ATE1: variants seen among roughly 807,000 people sequenced by gnomAD.
ATE1 encodes arginyltransferase 1.
In ATE1, 36 loss-of-function variants were observed where a neutral mutation model predicts 70.5. The ratio of observed to expected loss-of-function variants is 0.51; its 90% CI spans 0.39 to 0.67. The LOEUF (loss-of-function observed/expected upper bound fraction) is 0.67. Ranked by LOEUF, ATE1 falls within the 30% of genes least tolerant of loss-of-function variation. The probability of loss-of-function intolerance (pLI) is 0.00; values close to 1 mark genes in which losing one functional copy is unlikely to be tolerated. For missense variants in ATE1, 593 were observed against 629.5 expected, an observed-to-expected ratio of 0.94 and a Z score of 0.62; for synonymous variants, 232 against 219.3, an observed-to-expected ratio of 1.06 and a Z score of -0.51.
At chr10:121,850,003 T>C (rs1057245157) in intron 8 of ATE1, among the ~76,000 whole-genome samples, 4 of 152,186 alleles carry the variant, frequency 2.6e-5, no homozygotes, top group Admixed American at 6.5e-5. Flanking sequence ...CAAAGATTTA[T>C]CTATAAGAGT....
At chr10:121,791,959 C>T (rs1008458080) in intron 10 of ATE1, among the ~76,000 whole-genome samples, 4 of 152,132 alleles carry the variant, frequency 2.6e-5, no homozygotes, top group Admixed American at 1.3e-4. Flanking sequence ...TGTGAGTCAC[C>T]ATATGAAGCA....
chr10:121,791,330 G>C (rs1451323767), intron 10 of ATE1, among the ~76,000 whole-genome samples: 1 of 151,848 alleles, frequency 6.6e-6, no homozygotes, highest in Non-Finnish European at 1.5e-5. Context: ...CTGACCTCAG[G>C]TGATCCGCCC....
intron 7 of ATE1, among the ~76,000 whole-genome samples, chr10:121,895,583 C>T (rs570587490): frequency 6.6e-6 from 1 of 151,864 alleles, no homozygotes; most frequent in Admixed American, 6.6e-5. Context: ...CATCGCACTC[C>T]AGCCTGGTTG....
At chr10:121,893,792 T>C (rs1950665121) in intron 7 of ATE1, among the ~76,000 whole-genome samples, 1 of 151,638 alleles carries the variant, frequency 6.6e-6, no homozygotes. Context: ...CACTAGAAAA[T>C]ATTCGTTTAA....
At chr10:121,763,641 G>A (rs1416999631) in intron 11 of ATE1, among the ~76,000 whole-genome samples, 1 of 152,156 alleles carries the variant, frequency 6.6e-6, no homozygotes, top group Non-Finnish European at 1.5e-5. Context: ...GAGACTTCTA[G>A]GCCCATGAAA....
intron 5 of ATE1, among the ~76,000 whole-genome samples, chr10:121,906,582 C>CAA: frequency 6.8e-6 from 1 of 146,120 alleles, no homozygotes; most frequent in African/African-American, 2.5e-5. Flanking sequence ...TTGCAGGTTC[C>CAA]AAAAAAAAAA....
chr10:121,770,233 AACACACACACACACACACACACAC>A (rs3036837), intron 11 of ATE1, among the ~76,000 whole-genome samples: 1 of 136,826 alleles, frequency 7.3e-6, no homozygotes, highest in African/African-American at 2.7e-5. Flanking sequence ...ACAAGAGAGA[AACACACACACACACACACACACAC>A]ACACACACAC....
chr10:121,841,923 T>TA (rs1042102838), intron 8 of ATE1, among the ~76,000 whole-genome samples: 2 of 151,676 alleles, frequency 1.3e-5, no homozygotes, highest in Non-Finnish European at 2.9e-5. Flanking sequence ...ATAAATAAAA[T>TA]AAAAAAATAA....
chr10:121,856,200 TTAAGTA>T (rs1335643713), intron 8 of ATE1, among the ~76,000 whole-genome samples: 4 of 152,082 alleles, frequency 2.6e-5, no homozygotes, highest in Admixed American at 6.6e-5. Flanking sequence ...ATTATTAGTA[TTAAGTA>T]TAATACATGA....
At chr10:121,912,273 T>C (rs1459582648) in intron 4 of ATE1, among the ~76,000 whole-genome samples, 1 of 152,166 alleles carries the variant, frequency 6.6e-6, no homozygotes, top group East Asian at 1.9e-4. Context: ...TTTACTCTAA[T>C]GAGTACATCA....
chr10:121,795,863 A>G (rs1030250448), intron 10 of ATE1, among the ~76,000 whole-genome samples: 2 of 152,340 alleles, frequency 1.3e-5, no homozygotes, highest in South Asian at 2.1e-4. Flanking sequence ...GAAAATGAGA[A>G]ATGTTTGTAT....
intron 8 of ATE1, among the ~76,000 whole-genome samples, chr10:121,847,098 C>T (rs1948854202): frequency 6.6e-6 from 1 of 152,058 alleles, no homozygotes; most frequent in African/African-American, 2.4e-5. Context: ...TTTATGAAAA[C>T]CATCTTTTAA....
At chr10:121,903,732 T>C (rs893297266) in intron 5 of ATE1, among the ~76,000 whole-genome samples, 1 of 152,036 alleles carries the variant, frequency 6.6e-6, no homozygotes, top group African/African-American at 2.4e-5. Context: ...TATCTGTGTC[T>C]TTCTCCAAAT....
chr10:121,764,818 T>C (rs1945209701), intron 11 of ATE1, among the ~76,000 whole-genome samples: 4 of 152,184 alleles, frequency 2.6e-5, no homozygotes, highest in Admixed American at 2.6e-4. Flanking sequence ...ACTGTGACTT[T>C]CCACATCAAA....
intron 7 of ATE1, among the ~76,000 whole-genome samples, chr10:121,875,287 G>GT (rs1219951017): frequency 3.8e-4 from 52 of 138,336 alleles, no homozygotes; most frequent in Middle Eastern, 3.7e-3. Flanking sequence ...GGCCTTGAGG[G>GT]TTTTTTTTTG....
rs758444551 is a variant in ATE1, at chr10:121,902,363, A to G, written c.813+28T>C. ...CCCAAACAAAAAAAAATCATAATAA[A>G]ACAAACAACAAAAGTCCTCCAAAGT... On this transcript the variant is annotated intron_variant, in intron 6 of 11. Transcript: ENST00000224652. 12 of 1,573,952 alleles carry G rather than the reference A, an allele frequency of 7.6e-6. No individual in the cohort carries two copies. In the East Asian group the frequency reaches 2.7e-4, roughly 35 times the overall value.
intron 8 of ATE1, chr10:121,846,465 T>A (rs1476082031): frequency 3.9e-5 from 6 of 152,136 alleles, no homozygotes; most frequent in African/African-American, 7.2e-5. Flanking sequence ...CAAAGAGTAT[T>A]GTATGAAAGG....
At chr10:121,788,159 A>G (rs948924655) in intron 11 of ATE1, among the ~76,000 whole-genome samples, 1 of 152,236 alleles carries the variant, frequency 6.6e-6, no homozygotes. Context: ...AGGAGAGTAG[A>G]TAAGTATATG....
At chr10:121,815,292 C>T (rs1243281237) in intron 10 of ATE1, among the ~76,000 whole-genome samples, 3 of 152,186 alleles carry the variant, frequency 2.0e-5, no homozygotes. Flanking sequence ...CCCGCCACCA[C>T]GCCCGGCTAA....
Sources: gnomAD v4.1 joint callset for allele counts (sites outside exome capture counted in the v4.1 genomes callset) on GRCh38, gnomAD v4.1.1 for gene constraint, MANE v1.5 for transcripts, NCBI Gene and HGNC (gene_info 2026-07-23, HGNC 2026-07-21) for gene names.